Variants in SORCS3 observed in about 807,000 individuals in gnomAD.
SORCS3 encodes sortilin related VPS10 domain containing receptor 3.
Under a neutral mutation model 146.3 loss-of-function variants are expected in SORCS3, and 57 were observed. The observed-to-expected ratio is 0.39, with a 90% CI of 0.31 to 0.49. The LOEUF is 0.49. Among genes scored for constraint, SORCS3 ranks in the 20% least tolerant of loss-of-function variants. SORCS3 has a pLI of 0.92. For missense variants in SORCS3, 1,341 were observed against 1,575.5 expected (o/e 0.85, Z 2.52); for synonymous variants, 653 against 618.5 (o/e 1.06, Z -0.83).
intron 16 of SORCS3, among the ~76,000 whole-genome samples, chr10:105,202,148 A>G (rs1473721657): frequency 6.6e-6 from 1 of 152,160 alleles, no homozygotes; most frequent in African/African-American, 2.4e-5. Context: ...TTCTCCTCAC[A>G]GCAACCGAGA....
intron 1 of SORCS3, among the ~76,000 whole-genome samples, chr10:104,786,953 C>T (rs1165379085): frequency 6.6e-6 from 1 of 152,194 alleles, no homozygotes; most frequent in Admixed American, 6.5e-5. Context: ...TATGGAAATT[C>T]CACCTGCCCA....
chr10:105,166,752 G>C (rs1032065215), intron 12 of SORCS3, among the ~76,000 whole-genome samples: 1 of 152,188 alleles, frequency 6.6e-6, no homozygotes, highest in Non-Finnish European at 1.5e-5. Context: ...TTGCAGGGAG[G>C]TGGTGGCTAT....
chr10:105,129,331 C>CTTTTTTTTTTTTTTTTTTTTTTTTT (rs71022753), intron 7 of SORCS3, among the ~76,000 whole-genome samples: 1 of 104,634 alleles, frequency 9.6e-6, no homozygotes, highest in African/African-American at 3.9e-5. Context: ...CTTTCTTTCT[C>CTTTTTTTTTTTTTTTTTTTTTTTTT]TTTTTTTTTT....
chr10:104,673,082 T>C (rs1215595951), intron 1 of SORCS3, among the ~76,000 whole-genome samples: 2 of 152,184 alleles, frequency 1.3e-5, no homozygotes, highest in Non-Finnish European at 2.9e-5. Context: ...CTTTGTTCGC[T>C]TTTGGTTAAT....
intron 2 of SORCS3, among the ~76,000 whole-genome samples, chr10:104,876,311 A>T (rs1185683170): frequency 2.0e-5 from 3 of 152,136 alleles, no homozygotes; most frequent in African/African-American, 7.2e-5. Context: ...GGAGGATGGT[A>T]CTTATTTTAA....
chr10:105,096,526 C>T lies in SORCS3; in HGVS notation c.1093+6687C>T, dbSNP rs150466602. 2.3e-3 allele frequency among the ~76,000 whole-genome samples: 347 copies of T among 152,270 alleles called. 1 individual carries two copies. The highest frequency in any genetic ancestry group is 8.0e-3 in the African/African-American group (332 of 41,558). On this transcript the variant is annotated intron_variant, in intron 6 of 26. Transcript: ENST00000369701. Reference sequence around the variant, plus strand: ...ATGCACACAGATCATTGTTGCAACACATTATGCTAAAGGCCACGGAGATTC... The same window carrying T: ...ATGCACACAGATCATTGTTGCAACATATTATGCTAAAGGCCACGGAGATTC...
At chr10:104,728,856 G>A (rs1282320331) in intron 1 of SORCS3, among the ~76,000 whole-genome samples, 1 of 152,128 alleles carries the variant, frequency 6.6e-6, no homozygotes, top group Non-Finnish European at 1.5e-5. Flanking sequence ...GGGTAGATTA[G>A]GAATAATGAA....
intron 4 of SORCS3, among the ~76,000 whole-genome samples, chr10:105,007,682 G>C (rs1243089477): frequency 6.6e-6 from 1 of 151,918 alleles, no homozygotes; most frequent in Non-Finnish European, 1.5e-5. Flanking sequence ...TGGCCACAAG[G>C]TCAGTTCATG....
intron 1 of SORCS3, among the ~76,000 whole-genome samples, chr10:104,644,069 T>A: frequency 6.6e-6 from 1 of 152,238 alleles, no homozygotes; most frequent in Non-Finnish European, 1.5e-5. Flanking sequence ...GTCTGGCCCG[T>A]GCTCCCTGGG....
At chr10:104,999,402 ACT>A (rs1380453415) in intron 4 of SORCS3, among the ~76,000 whole-genome samples, 2 of 151,584 alleles carry the variant, frequency 1.3e-5, no homozygotes, top group Non-Finnish European at 2.9e-5. Flanking sequence ...GTTTTAGAAA[ACT>A]CTAGTTATTA....
chr10:104,860,267 T>G (rs1282356319), intron 2 of SORCS3, among the ~76,000 whole-genome samples: 1 of 113,234 alleles, frequency 8.8e-6, no homozygotes, highest in African/African-American at 2.8e-5. Flanking sequence ...ATGTCCTTTG[T>G]AGGGACATGG....
At chr10:104,994,541 G>T (rs2055012274) in intron 4 of SORCS3, among the ~76,000 whole-genome samples, 1 of 152,156 alleles carries the variant, frequency 6.6e-6, no homozygotes, top group Admixed American at 6.5e-5. Flanking sequence ...CTACAGTCAA[G>T]AATCTGAGCA....
chr10:104,899,915 C>T (rs975155719), intron 2 of SORCS3, among the ~76,000 whole-genome samples: 2 of 151,970 alleles, frequency 1.3e-5, no homozygotes, highest in Non-Finnish European at 2.9e-5. Context: ...ATGGCCAATG[C>T]CTAGCTGATA....
intron 2 of SORCS3, among the ~76,000 whole-genome samples, chr10:104,847,249 A>G (rs530165220): frequency 1.3e-5 from 2 of 152,320 alleles, no homozygotes; most frequent in East Asian, 1.9e-4. Flanking sequence ...GATAGTGCCA[A>G]TTAATCCACT....
Position 105,263,439 on chromosome 10 carries a change from T to C in SORCS3, c.*65T>C, listed in dbSNP as rs1037669170. 6.8e-7 allele frequency: 1 copy of C among 1,466,150 alleles called. No individual in the cohort carries two copies. Among genetic ancestry groups the C allele is most frequent in the Non-Finnish European group, 9.5e-7 (1 of 1,056,058 alleles). 90.8% of individuals were successfully genotyped at this position (1,466,150 alleles called of 1,614,324 possible). A position where few individuals can be genotyped will look rare whatever the true frequency, so the allele number is the denominator to read the frequency against. On this transcript the variant is annotated 3_prime_UTR_variant, in exon 27 of 27. Transcript: ENST00000369701. Reference sequence around the variant, plus strand: ...TATTTTTGATGATTACTATTACTATTATTATGGAAAAATTAAAATGTCTTT... The same window carrying C: ...TATTTTTGATGATTACTATTACTATCATTATGGAAAAATTAAAATGTCTTT...
intron 5 of SORCS3, among the ~76,000 whole-genome samples, chr10:105,063,452 T>C (rs544138179): frequency 6.2e-4 from 94 of 152,372 alleles, no homozygotes; most frequent in African/African-American, 2.0e-3. Flanking sequence ...AATAATTATT[T>C]ATTTGTCCTG....
At chr10:104,832,953 C>A (rs1400147626) in intron 1 of SORCS3, among the ~76,000 whole-genome samples, 1 of 152,066 alleles carries the variant, frequency 6.6e-6, no homozygotes, top group Non-Finnish European at 1.5e-5. Context: ...TTGGTGGGAC[C>A]CACATCCTAG....
chr10:104,705,365 G>T (rs1308541254), intron 1 of SORCS3, among the ~76,000 whole-genome samples: 1 of 151,044 alleles, frequency 6.6e-6, no homozygotes, highest in Non-Finnish European at 1.5e-5. Context: ...AACTGGGAAA[G>T]CAATTTAAAG....
chr10:105,035,400 G>A (rs2692329), intron 4 of SORCS3, among the ~76,000 whole-genome samples: 81,187 of 151,756 alleles, frequency 0.53, 24,433 homozygotes, highest in African/African-American at 0.83. Context: ...TGATCCTTAA[G>A]CTATCTTTTT....
Sources: gnomAD v4.1 joint callset for allele counts (sites outside exome capture counted in the v4.1 genomes callset) on GRCh38, gnomAD v4.1.1 for gene constraint, MANE v1.5 for transcripts, NCBI Gene and HGNC (gene_info 2026-07-23, HGNC 2026-07-21) for gene names.